ALDH1A3: variants seen among roughly 807,000 people sequenced by gnomAD.
The protein encoded by ALDH1A3 is aldehyde dehydrogenase 1 family member A3, also known as retinaldehyde dehydrogenase 3.
In ALDH1A3, 28 loss-of-function variants were observed where a neutral mutation model predicts 57.5. The ratio of observed to expected loss-of-function variants is 0.49; its 90% CI spans 0.36 to 0.67. ALDH1A3 has a LOEUF of 0.67. Ranked by LOEUF, ALDH1A3 falls within the 30% of genes least tolerant of loss-of-function variation. The pLI is 0.00. For missense variants in ALDH1A3, 507 were observed against 669.4 expected, an observed-to-expected ratio of 0.76 and a Z score of 2.68; for synonymous variants, 281 against 264.8, an observed-to-expected ratio of 1.06 and a Z score of -0.59.
Position 100,893,964 on chromosome 15 carries a change from C to T in ALDH1A3, c.548C>T (p.Pro183Leu). 1.2e-6 allele frequency: 2 copies of T among 1,614,094 alleles called. No individual in the cohort carries two copies. The highest frequency in any genetic ancestry group is 2.7e-5 in the African/African-American group (2 of 75,052). ...TGTGCTCTGTCGCAGTGGAACTTCC[C>T]CCTGCTGATGCTGGTGTGGAAGCTG... ...VCGAITPWNF[P>L]LLMLVWKLAP... Residue 183 changes from proline to leucine, a missense_variant, in exon 6 of 13, where the codon CCC becomes CTC. Pro to Leu is a moderately conservative substitution (Grantham distance 98). Around this residue, in one of 2 missense-constraint regions of ALDH1A3, gnomAD observed 432 missense variants for 608.4 expected, o/e 0.71. Transcript: ENST00000329841. The surrounding 1 kb of genome is among the most constrained non-coding windows in gnomAD (Gnocchi z 4.8).
chr15:100,886,820 C>G (rs1183446263), intron 2 of ALDH1A3, among the ~76,000 whole-genome samples: 2 of 152,192 alleles, frequency 1.3e-5, no homozygotes, highest in African/African-American at 2.4e-5. Context: ...AGAAAAACGG[C>G]CTTCATGCTC....
chr15:100,880,523 C>CAGCG (rs761283101), intron 1 of ALDH1A3: 85 of 282,044 alleles, frequency 3.0e-4, no homozygotes, highest in Non-Finnish European at 5.5e-4. Flanking sequence ...GAGCAAAGCG[C>CAGCG]AGCGGGCGCC....
intron 8 of ALDH1A3, 32 bp downstream of exon 8, chr15:100,898,217 G>C (rs1473793761): frequency 1.9e-6 from 3 of 1,583,470 alleles, no homozygotes; most frequent in Non-Finnish European, 8.7e-7. Context: ...CTTTGCTGGG[G>C]CTTCAGGGCA....
At chr15:100,896,630 GCA>G (rs2141559262) in intron 7 of ALDH1A3, among the ~76,000 whole-genome samples, 1 of 152,290 alleles carries the variant, frequency 6.6e-6, no homozygotes, top group South Asian at 2.1e-4. Context: ...GCCCTAAGAT[GCA>G]CAGTGTTTTG....
intron 3 of ALDH1A3, among the ~76,000 whole-genome samples, chr15:100,890,269 C>A (rs1166763009): frequency 6.6e-6 from 1 of 152,214 alleles, no homozygotes; most frequent in Non-Finnish European, 1.5e-5. Flanking sequence ...TCTCAGGAGG[C>A]ACATTTTCCT....
In ALDH1A3 at chr15:100,914,876, CTTCTGGAGGCTTTACATCTACTG is replaced by C; in HGVS notation, c.*104_*126del. 2 of 1,027,204 alleles carry C rather than the reference CTTCTGGAGGCTTTACATCTACTG, an allele frequency of 1.9e-6. No individual in the cohort carries two copies. Among genetic ancestry groups the C allele is most frequent in the Admixed American group, 4.5e-5 (2 of 44,712 alleles). The allele number at this position is 1,027,204 out of a possible 1,614,324, so 63.6% of individuals were successfully genotyped here. ...ATTTCTGACCTTCCCGGGACACATT[CTTCTGGAGGCTTTACATCTACTG>C]GAGTTGAATGATTGCTGTTTTCCTC... On this transcript the variant is annotated 3_prime_UTR_variant, in exon 13 of 13. Transcript: ENST00000329841.
chr15:100,908,599 T>C lies in ALDH1A3; in HGVS notation c.1466+117T>C, dbSNP rs1253094028. On this transcript the variant is annotated intron_variant, in intron 12 of 12. Coordinates refer to ENST00000329841, the MANE Select transcript of ALDH1A3 (RefSeq NM_000693.4). ...CCCCGTCCCCCCCACACCGCCGCTC[T>C]GTCTGGGCCAGCTGTGTCCCTCTAG... 8 of 909,382 alleles carry C rather than the reference T, an allele frequency of 8.8e-6. No homozygotes were observed. In the African/African-American group the frequency reaches 1.2e-4, roughly 13 times the overall value. 56.3% of individuals were successfully genotyped at this position (909,382 alleles called of 1,614,324 possible).
Position 100,892,227 on chromosome 15 carries a change from G to A in ALDH1A3, c.346-283G>A, listed in dbSNP as rs566452377. 16 of 379,344 alleles carry A rather than the reference G, an allele frequency of 4.2e-5. No individual in the cohort carries two copies. The East Asian group carries it at 8.5e-4, about 20-fold the overall frequency. The allele number at this position is 379,344 out of a possible 1,614,324, so 23.5% of individuals were successfully genotyped here. On this transcript the variant is annotated intron_variant, in intron 3 of 12. Coordinates refer to ENST00000329841, the MANE Select transcript of ALDH1A3 (RefSeq NM_000693.4). ...TCCTTCCCAGCACAGCTTTAAATCC[G>A]CCTGGCCTCCAAGGGGCCCTTCAAA...
At chr15:100,881,558 T>C (rs2056694762) in intron 1 of ALDH1A3, 1 of 152,214 alleles carries the variant, frequency 6.6e-6, no homozygotes, top group African/African-American at 2.4e-5. Flanking sequence ...TACAAAAAGT[T>C]TACCTCTTTC....
Position 100,887,019 on chromosome 15 carries a change from T to A in ALDH1A3, c.205-553T>A, listed in dbSNP as rs1039198461. 6.6e-6 allele frequency among the ~76,000 whole-genome samples: 1 copy of A among 152,246 alleles called. No individual in the cohort carries two copies. The highest frequency in any genetic ancestry group is 1.5e-5 in the Non-Finnish European group (1 of 68,046). On this transcript the variant is annotated intron_variant, in intron 2 of 12. Coordinates refer to ENST00000329841, the MANE Select transcript of ALDH1A3 (RefSeq NM_000693.4). This position sits in a 1 kb window ranked among gnomAD's most constrained non-coding sequence, Gnocchi z 4.6. ...AGGCAGCCAGTGGAAAGTCCTTCCG[T>A]ACTTGGGTCCCTGAGAAAAATACTC...
chr15:100,884,564 G>GT (rs1453320699), intron 1 of ALDH1A3, among the ~76,000 whole-genome samples: 1 of 121,050 alleles, frequency 8.3e-6, no homozygotes, highest in Admixed American at 8.4e-5. Context: ...GGTTTTTCTG[G>GT]GTTTTTTTTT....
rs3803432 is a variant in ALDH1A3 at position 100,893,892 on chromosome 15, A to G, written c.538-62A>G. 3.7e-3 allele frequency: 5,734 copies of G among 1,567,954 alleles called. 84 individuals carry two copies. The East Asian group carries it at 0.04, about 11-fold the overall frequency. ...AGTGTCCTCCACAAAGGCATCGTTGAGCACATGGGACAGGGTAAGAGGGTG... is the reference window on the plus strand; with the variant it reads ...AGTGTCCTCCACAAAGGCATCGTTGGGCACATGGGACAGGGTAAGAGGGTG... On this transcript the variant is annotated intron_variant, in intron 5 of 12. Coordinates refer to ENST00000329841, the MANE Select transcript of ALDH1A3 (RefSeq NM_000693.4). This position sits in a 1 kb window ranked among gnomAD's most constrained non-coding sequence, Gnocchi z 4.8.
At chr15:100,899,897 T>C (rs1236970275) in intron 8 of ALDH1A3, among the ~76,000 whole-genome samples, 2 of 152,198 alleles carry the variant, frequency 1.3e-5, no homozygotes, top group African/African-American at 4.8e-5. Flanking sequence ...CTGCATTTCT[T>C]AAGAAAGCAA....
intron 9 of ALDH1A3, among the ~76,000 whole-genome samples, chr15:100,903,718 T>C (rs73480637): frequency 0.1 from 15,619 of 152,302 alleles, 1,541 homozygotes; most frequent in African/African-American, 0.26. Context: ...AAAAATGCTA[T>C]CTTGTTTCAT....
intron 1 of ALDH1A3, among the ~76,000 whole-genome samples, chr15:100,885,032 A>G (rs1436916768): frequency 6.6e-6 from 1 of 152,206 alleles, no homozygotes; most frequent in East Asian, 1.9e-4. Flanking sequence ...CTAAGTGACT[A>G]TAGTTTTATT....
chr15:100,885,642 G>T (rs940509752), intron 2 of ALDH1A3, among the ~76,000 whole-genome samples: 34 of 146,228 alleles, frequency 2.3e-4, no homozygotes, highest in Non-Finnish European at 4.8e-4. Flanking sequence ...CTAAAGGAAA[G>T]GTTTTCTTTT....
intron 3 of ALDH1A3, among the ~76,000 whole-genome samples, chr15:100,890,416 T>A (rs937062206): frequency 1.3e-5 from 2 of 152,234 alleles, no homozygotes; most frequent in African/African-American, 2.4e-5. Context: ...TAATTTTTTT[T>A]AATAATTTCC....
intron 3 of ALDH1A3, among the ~76,000 whole-genome samples, chr15:100,891,487 C>A (rs2041649103): frequency 6.6e-6 from 1 of 152,234 alleles, no homozygotes; most frequent in African/African-American, 2.4e-5. Flanking sequence ...TAGATGCCCC[C>A]AATTCAGCTG....
At chr15:100,891,037 G>T (rs28504296) in intron 3 of ALDH1A3, among the ~76,000 whole-genome samples, 1 of 152,160 alleles carries the variant, frequency 6.6e-6, no homozygotes, top group South Asian at 2.1e-4. Context: ...AACCCAGTGC[G>T]CTGTCTGGGT....
Sources: gnomAD v4.1 joint callset for allele counts (sites outside exome capture counted in the v4.1 genomes callset) on GRCh38, gnomAD v4.1.1 for gene constraint, gnomAD v4.1.1 regional missense constraint, Gnocchi (gnomAD v3.1) non-coding constraint, MANE v1.5 for transcripts, NCBI Gene and HGNC (gene_info 2026-07-23, HGNC 2026-07-21) for gene names.